Variants in GPC6 observed in about 807,000 individuals in gnomAD.
GPC6 encodes glypican 6.
GPC6 carries 14 observed loss-of-function variants against 55.2 expected under a neutral mutation model. The ratio of observed to expected loss-of-function variants is 0.25; its 90% CI spans 0.17 to 0.40. The LOEUF is 0.40. Ranked by LOEUF, GPC6 falls within the 10% of genes least tolerant of loss-of-function variation. The pLI is 1.00. For missense variants in GPC6, 641 were observed against 708.5 expected (o/e 0.90, Z 1.08); for synonymous variants, 278 against 259.6 (o/e 1.07, Z -0.68).
At chr13:93,777,257 G>C (rs1172159458) in intron 2 of GPC6, among the ~76,000 whole-genome samples, 1 of 152,078 alleles carries the variant, frequency 6.6e-6, no homozygotes, top group African/African-American at 2.4e-5. Flanking sequence ...GTTTTCTTAC[G>C]TTCTCCACTT....
At chr13:93,610,646 T>A (rs951366549) in intron 2 of GPC6, among the ~76,000 whole-genome samples, 1 of 152,214 alleles carries the variant, frequency 6.6e-6, no homozygotes, top group Non-Finnish European at 1.5e-5. Context: ...TGTGTACTTA[T>A]ATATGATTAT....
At chr13:93,926,195 G>A (rs879655070) in intron 3 of GPC6, among the ~76,000 whole-genome samples, 4 of 152,134 alleles carry the variant, frequency 2.6e-5, no homozygotes, top group Admixed American at 2.0e-4. Context: ...CAGTGTGAAA[G>A]GGGCCTAGAT....
chr13:94,346,607 A>AGGTATGC, intron 6 of GPC6, among the ~76,000 whole-genome samples: 1 of 151,764 alleles, frequency 6.6e-6, no homozygotes, highest in South Asian at 2.1e-4. Context: ...CTGTAATCCC[A>AGGTATGC]GGTATGCGGA....
intron 1 of GPC6, among the ~76,000 whole-genome samples, chr13:93,327,306 T>C (rs1029281226): frequency 2.0e-5 from 3 of 152,206 alleles, no homozygotes; most frequent in African/African-American, 4.8e-5. Flanking sequence ...TGTGGTTATT[T>C]CTCTGATTGT....
chr13:93,830,419 C>A lies in GPC6; in HGVS notation c.585C>A (p.Asp195Glu), dbSNP rs369467067. 1 of 1,613,858 alleles carries A rather than the reference C, an allele frequency of 6.2e-7. No homozygotes were observed. Among genetic ancestry groups the A allele is most frequent in the East Asian group, 2.2e-5 (1 of 44,832 alleles). ...TGGAATGTGTGAGCAAATACACTGACCAGCTCAAGCCATTTGGAGACGTGC... is the reference window on the plus strand; with the variant it reads ...TGGAATGTGTGAGCAAATACACTGAACAGCTCAAGCCATTTGGAGACGTGC... Reference protein sequence around the residue: ...DYLECVSKYTDQLKPFGDVPR... With the variant: ...DYLECVSKYTEQLKPFGDVPR... The change falls in exon 3 of 9, where the codon GAC (aspartate) becomes GAA (glutamate). Residue 195 changes from aspartate to glutamate, a missense_variant. Coordinates refer to ENST00000377047, the MANE Select transcript of GPC6 (RefSeq NM_005708.5).
intron 3 of GPC6, among the ~76,000 whole-genome samples, chr13:93,993,751 C>T (rs1035255725): frequency 3.9e-5 from 6 of 152,108 alleles, no homozygotes; most frequent in Non-Finnish European, 8.8e-5. Context: ...TAGTTGGACA[C>T]GTATTTCTAA....
At chr13:93,964,400 T>A (rs1458094424) in intron 3 of GPC6, among the ~76,000 whole-genome samples, 1 of 152,170 alleles carries the variant, frequency 6.6e-6, no homozygotes, top group African/African-American at 2.4e-5. Context: ...GGCAACTGGA[T>A]GAGCAATACT....
At position 94,406,833 on chromosome 13, in the gene GPC6, C is replaced by T. The variant is rs1881387715; in HGVS notation, c.*3616C>T. On this transcript the variant is annotated 3_prime_UTR_variant, in exon 9 of 9. Coordinates refer to ENST00000377047, the MANE Select transcript of GPC6 (RefSeq NM_005708.5). ...CTAATTATCAAATGATTTGATTAAA[C>T]CTAGACGCATTAGGAAATGCAAGTT... 1 of 152,032 alleles carries T rather than the reference C, an allele frequency of 6.6e-6. No homozygotes were observed. The highest frequency in any genetic ancestry group is 2.4e-5 in the African/African-American group (1 of 41,420). The allele number at this position is 152,032 out of a possible 1,614,324, so 9.4% of individuals were successfully genotyped here. A position where few individuals can be genotyped will look rare whatever the true frequency, so the allele number is the denominator to read the frequency against.
intron 3 of GPC6, among the ~76,000 whole-genome samples, chr13:93,999,289 T>C (rs944540764): frequency 6.6e-5 from 10 of 152,320 alleles, no homozygotes; most frequent in East Asian, 3.9e-4. Flanking sequence ...TGTTTGGTTT[T>C]CTGTTCTTAT....
At chr13:94,211,108 T>A (rs2138988722) in intron 4 of GPC6, among the ~76,000 whole-genome samples, 1 of 152,314 alleles carries the variant, frequency 6.6e-6, no homozygotes, top group Admixed American at 6.5e-5. Flanking sequence ...TATCCTGTAC[T>A]TATATTCAAA....
At chr13:94,210,397 T>C (rs1460802683) in intron 4 of GPC6, among the ~76,000 whole-genome samples, 1 of 152,026 alleles carries the variant, frequency 6.6e-6, no homozygotes, top group Non-Finnish European at 1.5e-5. Flanking sequence ...CCTCAGGTGA[T>C]CCACCCGCCT....
At chr13:94,011,644 T>C (rs1193346100) in intron 3 of GPC6, among the ~76,000 whole-genome samples, 1 of 152,200 alleles carries the variant, frequency 6.6e-6, no homozygotes, top group Non-Finnish European at 1.5e-5. Flanking sequence ...GATACTGAAT[T>C]CCTCCGTGTT....
At chr13:93,563,389 A>C (rs1875912827) in intron 2 of GPC6, among the ~76,000 whole-genome samples, 1 of 152,140 alleles carries the variant, frequency 6.6e-6, no homozygotes, top group Non-Finnish European at 1.5e-5. Flanking sequence ...AGTATCTACC[A>C]ATATCCAGAG....
intron 3 of GPC6, among the ~76,000 whole-genome samples, chr13:93,895,976 A>G (rs968517738): frequency 1.3e-5 from 2 of 152,096 alleles, no homozygotes; most frequent in South Asian, 2.1e-4. Context: ...AGTGTTTGGT[A>G]GCTTAATAGG....
At chr13:93,462,317 T>A (rs944705252) in intron 1 of GPC6, among the ~76,000 whole-genome samples, 1 of 152,136 alleles carries the variant, frequency 6.6e-6, no homozygotes, top group Non-Finnish European at 1.5e-5. Context: ...TGACAGACTC[T>A]AATCAGGATT....
intron 1 of GPC6, among the ~76,000 whole-genome samples, chr13:93,257,047 C>G (rs1177057487): frequency 1.3e-5 from 2 of 152,004 alleles, no homozygotes; most frequent in East Asian, 3.9e-4. Context: ...GCTTAGGCCT[C>G]TAGTCCAGGT....
chr13:94,381,145 TTAA>T (rs1371480398), intron 6 of GPC6, among the ~76,000 whole-genome samples: 3 of 152,194 alleles, frequency 2.0e-5, no homozygotes, highest in Non-Finnish European at 2.9e-5. Context: ...CCTTTTGTAA[TTAA>T]TAAATAATCT....
At chr13:94,042,600 T>C (rs1432436699) in intron 4 of GPC6, among the ~76,000 whole-genome samples, 2 of 151,882 alleles carry the variant, frequency 1.3e-5, no homozygotes, top group Non-Finnish European at 2.9e-5. Flanking sequence ...GATCAGTTAC[T>C]TTTGTAGAAT....
At chr13:93,953,706 G>A (rs1014507031) in intron 3 of GPC6, among the ~76,000 whole-genome samples, 18 of 152,104 alleles carry the variant, frequency 1.2e-4, no homozygotes, top group African/African-American at 4.1e-4. Flanking sequence ...TGGCCAGACC[G>A]TATGTATTAC....
Sources: allele counts gnomAD v4.1 joint callset (sites outside exome capture counted in the v4.1 genomes callset), GRCh38; gene constraint gnomAD v4.1.1; transcripts MANE v1.5; gene names NCBI Gene and HGNC (gene_info 2026-07-23, HGNC 2026-07-21).